The following C1S variants were observed in gnomAD, a reference collection of about 807,000 sequenced individuals.
The protein encoded by C1S is complement C1s, also known as complement C1s subcomponent.
Under a neutral mutation model 54.0 loss-of-function variants are expected in C1S, and 31 were observed. The ratio of observed to expected loss-of-function variants is 0.57; its 90% CI spans 0.43 to 0.78. C1S has a LOEUF of 0.78. Ranked by LOEUF, C1S falls within the 30% of genes least tolerant of loss-of-function variation. C1S has a pLI of 0.00. For synonymous variants in C1S, 292 were observed against 303.6 expected, an observed-to-expected ratio of 0.96 and a Z score of 0.40; for missense variants, 727 against 851.8, an observed-to-expected ratio of 0.85 and a Z score of 1.82.
chr12:7,069,063 C>T (rs1201667454), intron 11 of C1S, among the ~76,000 whole-genome samples: 1 of 152,046 alleles, frequency 6.6e-6, no homozygotes, highest in African/African-American at 2.4e-5. Context: ...GTATAACAGC[C>T]CTGTGAGCTA....
At position 7,065,861 on chromosome 12, in the gene C1S, A is replaced by T. The variant is rs142481406; in HGVS notation, c.762A>T (p.Gly254=). The T allele has an allele frequency of 3.4e-4, 554 of 1,613,378 alleles. 1 individual carries two copies. In the African/African-American group the frequency reaches 5.7e-3, roughly 17 times the overall value. ...AATTTGGTCCTTACTGTGGTCATGG[A>T]TTCCCTGGGCCTCTAAATATTGAAA... ...DRQFGPYCGH[G]FPGPLNIETK... Residue 254 remains glycine (G), a synonymous_variant, in exon 7 of 12, where the codon GGA becomes GGT. Coordinates refer to ENST00000360817, the MANE Select transcript of C1S (RefSeq NM_001734.5).
Position 7,070,816 on chromosome 12 carries a change from A to G in C1S, c.*165A>G, listed in dbSNP as rs782305086. 2 of 692,208 alleles carry G rather than the reference A, an allele frequency of 2.9e-6. No homozygotes were observed. Among genetic ancestry groups the G allele is most frequent in the Non-Finnish European group, 5.1e-6 (2 of 395,402 alleles). 42.9% of individuals were successfully genotyped at this position (692,208 alleles called of 1,614,324 possible). On this transcript the variant is annotated 3_prime_UTR_variant, in exon 12 of 12. Coordinates refer to ENST00000360817, the MANE Select transcript of C1S (RefSeq NM_001734.5). The surrounding 1 kb of genome is among the most constrained non-coding windows in gnomAD (Gnocchi z 4.9). ...CTTGCTAGAGGTAGAGTTTGATCATAGAATTGTGCTGGTCATACATTTGTG... is the reference window on the plus strand; with the variant it reads ...CTTGCTAGAGGTAGAGTTTGATCATGGAATTGTGCTGGTCATACATTTGTG...
rs782590272 is a variant in C1S, at chr12:7,067,671, T to C, written c.1095T>C (p.Ile365=). Residue 365 remains isoleucine, a synonymous_variant, in exon 10 of 12, where the codon ATT becomes ATC. Transcript: ENST00000360817. ...QPVDCGIPES[I]ENGKVEDPES... is the part of the protein sequence containing the mutation. ...TGGACTGTGGCATTCCTGAATCCAT[T>C]GAGAATGGTAAAGTTGAAGACCCAG... The C allele has an allele frequency of 4.3e-6, 7 of 1,613,942 alleles. No individual in the cohort carries two copies. The South Asian group carries it at 4.4e-5, about 10-fold the overall frequency.
chr12:7,062,357 C>T lies in C1S; in HGVS notation c.6-118C>T, dbSNP rs11064497. 100,198 of 769,064 alleles carry T rather than the reference C, an allele frequency of 0.13. 6,995 individuals carry two copies. The highest frequency in any genetic ancestry group is 0.15 in the Non-Finnish European group (63,483 of 435,742). The allele number at this position is 769,064 out of a possible 1,614,324, so 47.6% of individuals were successfully genotyped here. ...CTTTATTCCGACCTAAGATTCTCCC[C>T]CATGGCCGATTGACTGCCTCTCTTC... On this transcript the variant is annotated intron_variant, in intron 2 of 11. Coordinates refer to ENST00000360817, the MANE Select transcript of C1S (RefSeq NM_001734.5).
At chr12:7,068,746 G>A (rs1459197494) in intron 11 of C1S, 11 of 580,416 alleles carry the variant, frequency 1.9e-5, no homozygotes, top group Middle Eastern at 4.5e-4. Flanking sequence ...AAATAGAAAC[G>A]TCAGCCAGCG....
rs1555162934 is a variant in C1S at position 7,069,991 on chromosome 12, G to C, written c.1407G>C (p.Trp469Cys). The C allele has an allele frequency of 6.2e-7, 1 of 1,614,174 alleles. No homozygotes were observed. ...WAGGALINEYWVLTAAHVVEG... is the reference protein window; with the variant it reads ...WAGGALINEYCVLTAAHVVEG... ...GTGGAGCGCTCATTAATGAGTACTG[G>C]GTGCTGACGGCTGCTCATGTTGTGG... Residue 469 changes from tryptophan to cysteine, a missense_variant, in exon 12 of 12, where the codon TGG becomes TGC. By Grantham distance (215) the Trp-to-Cys change is radical (BLOSUM62 -2). Coordinates refer to ENST00000360817, the MANE Select transcript of C1S (RefSeq NM_001734.5).
At chr12:7,068,755 C>T (rs1015762664) in intron 11 of C1S, 8 of 571,500 alleles carry the variant, frequency 1.4e-5, no homozygotes, top group Admixed American at 3.0e-5. Context: ...CGTCAGCCAG[C>T]GACAGTTGGT....
Position 7,062,475 on chromosome 12 carries a change from G to A in C1S, c.6G>A (p.Trp2Ter). M[W>*]CIVLFSLLAW... ...CCAATCTATGCCTCTGTTTTTTCAG[G>A]TGCATTGTCCTGTTTTCACTTTTGG... The change falls in exon 3 of 12, where the codon TGG becomes TGA. Residue 2 changes from tryptophan (W) to a stop codon, truncating the protein, a stop_gained and splice_region_variant. Coordinates refer to ENST00000360817, the MANE Select transcript of C1S (RefSeq NM_001734.5). LOFTEE classifies it high-confidence loss of function. 6.2e-7 allele frequency: 1 copy of A among 1,611,916 alleles called. No homozygotes were observed. The highest frequency in any genetic ancestry group is 8.5e-7 in the Non-Finnish European group (1 of 1,179,354).
chr12:7,062,351 TC>T lies in C1S; in HGVS notation c.6-123del, dbSNP rs1840224184. 4.5e-5 allele frequency: 34 copies of T among 750,936 alleles called. 1 individual carries two copies. In the South Asian group the frequency reaches 4.8e-4, roughly 11 times the overall value. 46.5% of individuals were successfully genotyped at this position (750,936 alleles called of 1,614,324 possible). On this transcript the variant is annotated intron_variant, in intron 2 of 11. Coordinates refer to ENST00000360817, the MANE Select transcript of C1S (RefSeq NM_001734.5). ...CCTTTTCTTTATTCCGACCTAAGAT[TC>T]TCCCCCATGGCCGATTGACTGCCTC... is the stretch of plus-strand genomic sequence containing the variant.
At chr12:7,066,013 T>C in intron 7 of C1S, 43 bp downstream of exon 7, 1 of 1,554,332 alleles carries the variant, frequency 6.4e-7, no homozygotes, top group South Asian at 1.1e-5. Flanking sequence ...GATACCAAAG[T>C]CCCCAAACAA....
intron 11 of C1S, chr12:7,068,895 T>G: frequency 3.7e-6 from 1 of 273,504 alleles, no homozygotes; most frequent in South Asian, 5.3e-5. Flanking sequence ...ATTAAAAGTT[T>G]ATAGGGCAGC....
At chr12:7,062,285 A>C (rs1234718141) in intron 2 of C1S, 190 bp from the exon 3 acceptor site, 2 of 582,418 alleles carry the variant, frequency 3.4e-6, no homozygotes, top group African/African-American at 3.8e-5. Context: ...AAAAAAAAAA[A>C]AGGGCTCTTG....
chr12:7,062,752 G>A (rs1036696711), intron 3 of C1S, 70 bp downstream of exon 3: 81 of 1,508,934 alleles, frequency 5.4e-5, no homozygotes, highest in Non-Finnish European at 7.0e-5. Context: ...GGATGTGGGA[G>A]GGAGTGCCAC....
intron 1 of C1S, 113 bp from the exon 2 acceptor site, chr12:7,061,726 T>C: frequency 2.9e-6 from 2 of 700,066 alleles, no homozygotes; most frequent in South Asian, 1.5e-5. Flanking sequence ...GTTGGTGATA[T>C]GGCCCTGTGT....
chr12:7,061,337 GGTGGGCGTTGGGAGCATCA>G (rs1258690462), intron 1 of C1S: 123 of 164,538 alleles, frequency 7.5e-4, no homozygotes, highest in African/African-American at 2.8e-3. Context: ...TGCCTCCATC[GGTGGGCGTTGGGAGCATCA>G]GCGGAGATGC....
chr12:7,066,760 C>T, intron 8 of C1S, 127 bp downstream of exon 8: 1 of 734,652 alleles, frequency 1.4e-6, no homozygotes, highest in Non-Finnish European at 2.5e-6. Context: ...ATAAACACAA[C>T]AGCTTAAGAT....
intron 2 of C1S, 52 bp downstream of exon 2, chr12:7,061,969 C>T (rs1555161335): frequency 1.9e-6 from 3 of 1,597,758 alleles, no homozygotes; most frequent in Non-Finnish European, 2.6e-6. Flanking sequence ...CCTTCATCTT[C>T]TCAAGAAAAG....
rs1937816970 is a variant in C1S at position 7,070,348 on chromosome 12, T to G, written c.1764T>G (p.Pro588=). Residue 588 remains proline (P), a synonymous_variant, in exon 12 of 12, where the codon CCT becomes CCG. Transcript: ENST00000360817. This position sits in a 1 kb window ranked among gnomAD's most constrained non-coding sequence, Gnocchi z 4.9. ...TTCGCCTCAAGGCGGCAAGGTTACC[T>G]GTAGCTCCTTTAAGAAAATGCAAAG... is the stretch of plus-strand genomic sequence containing the variant. ...RAVRLKAARL[P]VAPLRKCKEV... The G allele has an allele frequency of 1.9e-6, 3 of 1,614,250 alleles. No individual in the cohort carries two copies. Among genetic ancestry groups the G allele is most frequent in the Non-Finnish European group, 2.5e-6 (3 of 1,180,046 alleles).
rs782407820 is a variant in C1S, at chr12:7,067,787, TG to T, written c.1195+18del. The T allele has an allele frequency of 1.9e-6, 3 of 1,611,086 alleles. No individual in the cohort carries two copies. The highest frequency in any genetic ancestry group is 2.5e-6 in the Non-Finnish European group (3 of 1,177,324). Reference sequence around the variant, plus strand: ...GGAGGAGGTGGTAGGTTTCTTCTACTGGAGAAGAGAGAGAGAGAGTGAGAAG... The same window carrying T: ...GGAGGAGGTGGTAGGTTTCTTCTACTGAGAAGAGAGAGAGAGAGTGAGAAG... On this transcript the variant is annotated intron_variant, in intron 10 of 11. Transcript: ENST00000360817.
Sources: gnomAD v4.1 joint callset for allele counts (sites outside exome capture counted in the v4.1 genomes callset) on GRCh38, gnomAD v4.1.1 for gene constraint, Gnocchi (gnomAD v3.1) non-coding constraint, MANE v1.5 for transcripts, NCBI Gene and HGNC (gene_info 2026-07-23, HGNC 2026-07-21) for gene names.